The following TIAM2 variants were observed in gnomAD, a reference collection of about 807,000 sequenced individuals.
TIAM2 encodes the protein rho guanine nucleotide exchange factor TIAM2.
Under a neutral mutation model 152.9 loss-of-function variants are expected in TIAM2, and 80 were observed. That is an observed-to-expected ratio of 0.52 (90% confidence interval 0.44 to 0.63). The LOEUF (loss-of-function observed/expected upper bound fraction) is 0.63, where lower values mean the gene tolerates loss of function less well. TIAM2 is among the 30% of genes least tolerant of loss of function. TIAM2 has a pLI of 0.00. For synonymous variants in TIAM2, 804 were observed against 838.0 expected (o/e 0.96, Z 0.70); for missense variants, 1,965 against 2,120.1 (o/e 0.93, Z 1.44).
chr6:155,165,190 C>A, intron 8 of TIAM2, 73 bp from the exon 9 acceptor site: 2 of 1,469,822 alleles, frequency 1.4e-6, no homozygotes. Flanking sequence ...GCAAGCAGAG[C>A]TCACTTCCTT....
chr6:155,248,035 G>A lies in TIAM2; in HGVS notation c.3688G>A (p.Ala1230Thr), dbSNP rs150780665. ...TDKAFKAFLD[A>T]RNPTKQHSST... ...CAAAGCCTTCAAGGCTTTTCTGGAC[G>A]CCCGGAACCCCACCAAGCAGCATTC... The change falls in exon 20 of 27, where the codon GCC (alanine) becomes ACC (threonine). Residue 1230 changes from alanine to threonine, a missense_variant. Around this residue, in one of 3 missense-constraint regions of TIAM2, gnomAD observed 935 missense variants for 980.0 expected, o/e 0.95. Coordinates refer to ENST00000682666, the MANE Select transcript of TIAM2 (RefSeq NM_012454.4). 9.0e-5 allele frequency: 146 copies of A among 1,613,998 alleles called. No individual in the cohort carries two copies. The highest frequency in any genetic ancestry group is 1.2e-4 in the Non-Finnish European group (136 of 1,179,992).
At chr6:155,137,643 G>A (rs370391636) in intron 5 of TIAM2, 31 bp downstream of exon 5, 34 of 1,524,474 alleles carry the variant, frequency 2.2e-5, no homozygotes, top group Non-Finnish European at 2.7e-5. Flanking sequence ...TGAGGCCACT[G>A]GGGATTGTTT....
intron 2 of TIAM2, among the ~76,000 whole-genome samples, chr6:155,101,617 G>A (rs1351011813): frequency 6.6e-6 from 1 of 152,212 alleles, no homozygotes; most frequent in Non-Finnish European, 1.5e-5. Flanking sequence ...TTTGACCTGA[G>A]AAGTAAAGAA....
At position 155,257,190 on chromosome 6, in the gene TIAM2, CAAAAA is replaced by C. The variant is rs11455127; in HGVS notation, c.*86_*90del. ...TAAACTGGTGGTAAAGTGGAAATTG[CAAAAA>C]AAAAAAAAAAAAAAAACTGTTCATT... On this transcript the variant is annotated 3_prime_UTR_variant, in exon 27 of 27. Transcript: ENST00000682666. 700 of 546,598 alleles carry C rather than the reference CAAAAA, an allele frequency of 1.3e-3. No individual in the cohort carries two copies. Among genetic ancestry groups the C allele is most frequent in the East Asian group, 3.2e-3 (80 of 25,106 alleles). 33.9% of individuals were successfully genotyped at this position (546,598 alleles called of 1,614,324 possible).
chr6:155,257,589 G>GTAA lies in TIAM2; in HGVS notation c.*471_*473dup. The GTAA allele has an allele frequency of 2.1e-6, 1 of 470,942 alleles. No individual in the cohort carries two copies. The highest frequency in any genetic ancestry group is 3.7e-6 in the Non-Finnish European group (1 of 269,138). 29.2% of individuals were successfully genotyped at this position (470,942 alleles called of 1,614,324 possible). A position where few individuals can be genotyped will look rare whatever the true frequency, so the allele number is the denominator to read the frequency against. The stretch of plus-strand genomic sequence containing the variant: ...ATACTTCATTTTTGTAAGATAGATT[G>GTAA]TAATAGATGCTGTTTATACTAAACA... On this transcript the variant is annotated 3_prime_UTR_variant, in exon 27 of 27. Transcript: ENST00000682666.
intron 14 of TIAM2, among the ~76,000 whole-genome samples, chr6:155,201,026 G>A (rs1164281805): frequency 6.6e-6 from 1 of 152,184 alleles, no homozygotes; most frequent in East Asian, 1.9e-4. Context: ...CTATGGATTT[G>A]CCTATTCTGG....
At chr6:155,108,599 A>G (rs1778754489) in intron 2 of TIAM2, among the ~76,000 whole-genome samples, 1 of 152,164 alleles carries the variant, frequency 6.6e-6, no homozygotes, top group Admixed American at 6.5e-5. Flanking sequence ...GTGCAGAGGG[A>G]GTGACTTTCC....
intron 1 of TIAM2, among the ~76,000 whole-genome samples, chr6:155,048,127 T>A (rs6557395): frequency 0.83 from 125,778 of 152,012 alleles, 52,247 homozygotes; most frequent in African/African-American, 0.88. Flanking sequence ...TAATACTTAT[T>A]TTTTTTGTAG....
chr6:155,165,718 G>T (rs1327373950), intron 9 of TIAM2, among the ~76,000 whole-genome samples: 6 of 152,166 alleles, frequency 3.9e-5, no homozygotes, highest in Non-Finnish European at 4.4e-5. Flanking sequence ...AGCCCGGGAG[G>T]TTGAAGCTGC....
chr6:155,075,540 CAGA>C (rs988598035), intron 1 of TIAM2, among the ~76,000 whole-genome samples: 5 of 152,158 alleles, frequency 3.3e-5, no homozygotes, highest in Non-Finnish European at 4.4e-5. Context: ...TGTAATAACA[CAGA>C]AGGAGAGAAT....
intron 2 of TIAM2, among the ~76,000 whole-genome samples, chr6:155,113,409 T>A (rs1778908519): frequency 6.6e-6 from 1 of 152,106 alleles, no homozygotes; most frequent in Non-Finnish European, 1.5e-5. Flanking sequence ...TCAAAGTGCT[T>A]ATCACCTCCT....
chr6:155,068,605 C>CCCA (rs950493523), intron 1 of TIAM2, among the ~76,000 whole-genome samples: 11 of 148,444 alleles, frequency 7.4e-5, no homozygotes, highest in Admixed American at 2.0e-4. Flanking sequence ...GGCACCCGCC[C>CCCA]CCCCATCACG....
intron 1 of TIAM2, among the ~76,000 whole-genome samples, chr6:155,061,486 T>C (rs975356074): frequency 2.6e-5 from 4 of 151,890 alleles, no homozygotes. Context: ...AACTTCTTTT[T>C]CTGACAGTGA....
intron 9 of TIAM2, chr6:155,168,807 G>A: frequency 6.7e-7 from 1 of 1,500,222 alleles, no homozygotes. Context: ...AATATTACAG[G>A]GCCATTTCAT....
chr6:155,037,912 C>A (rs1431533770), intron 1 of TIAM2, among the ~76,000 whole-genome samples: 1 of 152,118 alleles, frequency 6.6e-6, no homozygotes, highest in African/African-American at 2.4e-5. Flanking sequence ...TTGGCTGGGC[C>A]TTTGCTCTTC....
chr6:155,208,867 T>G (rs1478058225), intron 14 of TIAM2, among the ~76,000 whole-genome samples: 2 of 152,100 alleles, frequency 1.3e-5, no homozygotes, highest in African/African-American at 4.8e-5. Flanking sequence ...CTCTTCCATC[T>G]CTGCCCCACT....
At chr6:155,145,050 C>A (rs1779791465) in intron 6 of TIAM2, among the ~76,000 whole-genome samples, 1 of 152,120 alleles carries the variant, frequency 6.6e-6, no homozygotes, top group African/African-American at 2.4e-5. Context: ...AGAAAAAAAT[C>A]ATGATCCCTG....
intron 5 of TIAM2, among the ~76,000 whole-genome samples, chr6:155,139,955 A>T (rs1440409483): frequency 6.6e-6 from 1 of 152,086 alleles, no homozygotes; most frequent in Non-Finnish European, 1.5e-5. Context: ...AAACAAACAA[A>T]CAAACAAACC....
At chr6:155,048,896 G>T (rs1777263081) in intron 1 of TIAM2, among the ~76,000 whole-genome samples, 1 of 151,864 alleles carries the variant, frequency 6.6e-6, no homozygotes, top group Non-Finnish European at 1.5e-5. Context: ...TGCCTCCTGG[G>T]TTCAAGCAAT....
Sources: gnomAD v4.1 joint callset for allele counts (sites outside exome capture counted in the v4.1 genomes callset) on GRCh38, gnomAD v4.1.1 for gene constraint, gnomAD v4.1.1 regional missense constraint, MANE v1.5 for transcripts, NCBI Gene and HGNC (gene_info 2026-07-23, HGNC 2026-07-21) for gene names.